AKT3: variants seen among roughly 807,000 people sequenced by gnomAD.
AKT3 encodes the protein AKT serine/threonine kinase 3.
A neutral mutation model predicts 65.3 loss-of-function variants in AKT3; 15 were observed. That is an observed-to-expected ratio of 0.23 (90% CI 0.15 to 0.35). The LOEUF (loss-of-function observed/expected upper bound fraction) is 0.35. Among genes scored for constraint, AKT3 ranks in the 10% least tolerant of loss-of-function variants. The probability of loss-of-function intolerance (pLI) is 1.00; values close to 1 mark genes in which losing one functional copy is unlikely to be tolerated. For synonymous variants in AKT3, 206 were observed against 183.8 expected, an observed-to-expected ratio of 1.12 and a Z score of -0.98; for missense variants, 243 against 576.5, an observed-to-expected ratio of 0.42 and a Z score of 5.92.
At chr1:243,600,739 C>T (rs1676945246) in intron 8 of AKT3, among the ~76,000 whole-genome samples, 1 of 152,084 alleles carries the variant, frequency 6.6e-6, no homozygotes, top group Admixed American at 6.6e-5. Context: ...ATCTCCCCGA[C>T]CTGCCACCAC....
chr1:243,842,581 A>C (rs1185712108), intron 2 of AKT3, among the ~76,000 whole-genome samples: 2 of 152,202 alleles, frequency 1.3e-5, no homozygotes, highest in Non-Finnish European at 2.9e-5. Context: ...TACGAAATTA[A>C]ACATAAACAT....
chr1:243,619,483 TCAACTCCATCTCCCCATCCCCC>T lies in AKT3; in HGVS notation c.562-4344_562-4323del, dbSNP rs1490030630. ...ACAACTGTACTTCTGTACCTATTAA[TCAACTCCATCTCCCCATCCCCC>T]TACCATTCCCAGCCTCTAGGAACAA... On this transcript the variant is annotated intron_variant, in intron 6 of 13. Coordinates refer to ENST00000673466, the MANE Select transcript of AKT3 (RefSeq NM_005465.7). 3.9e-5 allele frequency among the ~76,000 whole-genome samples: 4 copies of T among 101,438 alleles called. 2 individuals carry two copies. Among genetic ancestry groups the T allele is most frequent in the Non-Finnish European group, 1.1e-4 (4 of 35,946 alleles). 66.5% of individuals were successfully genotyped at this position (101,438 alleles called of 152,430 possible). A position where few individuals can be genotyped will look rare whatever the true frequency, so the allele number is the denominator to read the frequency against.
intron 8 of AKT3, among the ~76,000 whole-genome samples, chr1:243,580,201 G>A (rs1028145669): frequency 6.6e-6 from 1 of 152,138 alleles, no homozygotes; most frequent in African/African-American, 2.4e-5. Flanking sequence ...AGAGGAGAAG[G>A]CCAGCAAACA....
chr1:243,625,004 C>T, intron 6 of AKT3: 1 of 367,338 alleles, frequency 2.7e-6, no homozygotes, highest in Non-Finnish European at 5.6e-6. Context: ...CCTTCATGTA[C>T]TCATCAAAGT....
At chr1:243,621,283 A>G (rs1424261077) in intron 6 of AKT3, among the ~76,000 whole-genome samples, 1 of 152,042 alleles carries the variant, frequency 6.6e-6, no homozygotes, top group African/African-American at 2.4e-5. Context: ...CTTACTTCCT[A>G]CTCAGAAGAG....
rs932476961 is a variant in AKT3 at position 243,499,871 on chromosome 1, C to T, written c.*5378G>A. The T allele has an allele frequency of 1.6e-5, 21 of 1,330,234 alleles. No individual in the cohort carries two copies. The East Asian group carries it at 3.1e-4, about 19-fold the overall frequency. The allele number at this position is 1,330,234 out of a possible 1,614,324, so 82.4% of individuals were successfully genotyped here. A position where few individuals can be genotyped will look rare whatever the true frequency, so the allele number is the denominator to read the frequency against. On this transcript the variant is annotated 3_prime_UTR_variant, in exon 14 of 14. Coordinates refer to ENST00000673466, the MANE Select transcript of AKT3 (RefSeq NM_005465.7). ...AGACTTAATATGCCACAACGCACCA[C>T]GACCTTCCCAGGGTGACACCGCCTC...
intron 10 of AKT3, among the ~76,000 whole-genome samples, 192 bp downstream of exon 10, chr1:243,563,528 T>C (rs1243690874): frequency 6.6e-6 from 1 of 152,220 alleles, no homozygotes; most frequent in African/African-American, 2.4e-5. Context: ...TTATAGTTTA[T>C]AAAATTTAAT....
At chr1:243,650,118 A>C (rs933310100) in intron 4 of AKT3, among the ~76,000 whole-genome samples, 45 of 152,180 alleles carry the variant, frequency 3.0e-4, no homozygotes, top group African/African-American at 9.7e-4. Flanking sequence ...AACTGGTGTG[A>C]GATGGTATCT....
In AKT3 at chr1:243,503,130, G is replaced by A. The variant is rs954174200; in HGVS notation, c.*2119C>T. ...AAAAAAAGATTAGCTATGTGTGTAA[G>A]TAAGAATGAACTACCATTTACTGTA... On this transcript the variant is annotated 3_prime_UTR_variant, in exon 14 of 14. Transcript: ENST00000673466. 4.3e-6 allele frequency: 1 copy of A among 233,458 alleles called. No individual in the cohort carries two copies. Among genetic ancestry groups the A allele is most frequent in the Non-Finnish European group, 8.5e-6 (1 of 118,016 alleles). The allele number at this position is 233,458 out of a possible 1,614,324, so 14.5% of individuals were successfully genotyped here.
intron 8 of AKT3, among the ~76,000 whole-genome samples, chr1:243,609,890 C>G (rs980082661): frequency 6.6e-6 from 1 of 152,036 alleles, no homozygotes; most frequent in African/African-American, 2.4e-5. Flanking sequence ...AGTGCAGATG[C>G]CAGGTAGCGC....
chr1:243,696,267 A>C (rs375083546), intron 2 of AKT3, among the ~76,000 whole-genome samples: 14 of 151,944 alleles, frequency 9.2e-5, no homozygotes, highest in Non-Finnish European at 1.9e-4. Context: ...TGCTGTACTT[A>C]AGAAAACGAA....
At chr1:243,704,467 C>T (rs1163520801) in intron 2 of AKT3, among the ~76,000 whole-genome samples, 5 of 152,136 alleles carry the variant, frequency 3.3e-5, no homozygotes, top group South Asian at 2.1e-4. Flanking sequence ...AAATTTCTCC[C>T]ATTTCTTTAA....
At chr1:243,610,038 T>C (rs761631365) in intron 8 of AKT3, among the ~76,000 whole-genome samples, 3 of 152,172 alleles carry the variant, frequency 2.0e-5, no homozygotes, top group Admixed American at 6.5e-5. Context: ...GAGGGCAAGA[T>C]CTATGTTTAA....
intron 11 of AKT3, 107 bp from the exon 12 acceptor site, chr1:243,545,704 C>A: frequency 1.3e-6 from 1 of 756,260 alleles, no homozygotes; most frequent in Non-Finnish European, 2.1e-6. Context: ...ATAAACAGTT[C>A]TTGGGATAAA....
intron 13 of AKT3, among the ~76,000 whole-genome samples, chr1:243,492,885 G>A (rs986563429): frequency 7.9e-5 from 12 of 152,172 alleles, no homozygotes; most frequent in African/African-American, 2.9e-4. Flanking sequence ...GGCATTACAG[G>A]CATGAGCTTT....
downstream of AKT3, among the ~76,000 whole-genome samples, chr1:243,496,949 G>A (rs974100170): frequency 2.8e-4 from 43 of 152,330 alleles, no homozygotes; most frequent in African/African-American, 7.0e-4. Flanking sequence ...TGGCCAGGGC[G>A]CCCTGTCGCC....
At chr1:243,567,944 T>A (rs1674290269) in intron 9 of AKT3, among the ~76,000 whole-genome samples, 1 of 152,222 alleles carries the variant, frequency 6.6e-6, no homozygotes, top group Non-Finnish European at 1.5e-5. Context: ...CCTGTAAGTC[T>A]TTCCAAAGCA....
intron 13 of AKT3, among the ~76,000 whole-genome samples, chr1:243,509,650 C>T (rs1669897709): frequency 6.6e-6 from 1 of 152,186 alleles, no homozygotes; most frequent in African/African-American, 2.4e-5. Context: ...CAGCCAGGTG[C>T]TTGCTGCGTT....
intron 6 of AKT3, among the ~76,000 whole-genome samples, chr1:243,629,322 T>C (rs1393206908): frequency 6.6e-6 from 1 of 152,094 alleles, no homozygotes; most frequent in Non-Finnish European, 1.5e-5. Context: ...GATGGGTGAT[T>C]AATGAGGCAT....
Sources: gnomAD v4.1 joint callset for allele counts (sites outside exome capture counted in the v4.1 genomes callset) on GRCh38, gnomAD v4.1.1 for gene constraint, MANE v1.5 for transcripts, NCBI Gene and HGNC (gene_info 2026-07-23, HGNC 2026-07-21) for gene names.